Variants in BRAF observed in about 807,000 individuals in gnomAD.
BRAF encodes B-Raf proto-oncogene, serine/threonine kinase, also known as serine/threonine-protein kinase B-raf.
BRAF carries 16 observed loss-of-function variants against 104.6 expected under a neutral mutation model. The ratio of observed to expected loss-of-function variants is 0.15; its 90% confidence interval spans 0.10 to 0.23. BRAF has a LOEUF of 0.23. Ranked by LOEUF, BRAF falls within the 10% of genes least tolerant of loss-of-function variation. BRAF has a pLI of 1.00. For missense variants in BRAF, 541 were observed against 937.3 expected (o/e 0.58, Z 5.52); for synonymous variants, 310 against 341.6 (o/e 0.91, Z 1.02).
intron 14 of BRAF, among the ~76,000 whole-genome samples, chr7:140,761,630 C>T (rs1198834301): frequency 3.2e-4 from 49 of 152,092 alleles, no homozygotes; most frequent in African/African-American, 1.0e-3. Context: ...CAGTGTGCTG[C>T]ATACAGGAAA....
intron 1 of BRAF, among the ~76,000 whole-genome samples, chr7:140,868,520 A>C (rs1321463596): frequency 6.6e-6 from 1 of 152,250 alleles, no homozygotes; most frequent in Non-Finnish European, 1.5e-5. Context: ...AAAATGGTCC[A>C]GAATAGAAAA....
At chr7:140,893,174 G>A (rs1274336062) in intron 1 of BRAF, among the ~76,000 whole-genome samples, 2 of 151,956 alleles carry the variant, frequency 1.3e-5, no homozygotes, top group East Asian at 1.9e-4. Flanking sequence ...TTTGGTGAAC[G>A]AGCTTTCTGA....
intron 3 of BRAF, among the ~76,000 whole-genome samples, chr7:140,812,555 T>G (rs1804396415): frequency 6.6e-6 from 1 of 152,218 alleles, no homozygotes; most frequent in African/African-American, 2.4e-5. Flanking sequence ...GTTGCATATA[T>G]ATTTCATCAA....
intron 3 of BRAF, among the ~76,000 whole-genome samples, chr7:140,830,143 T>C (rs946299489): frequency 6.6e-6 from 1 of 152,214 alleles, no homozygotes; most frequent in African/African-American, 2.4e-5. Flanking sequence ...ATCAAACTGA[T>C]TTGGCTTCAA....
intron 19 of BRAF, among the ~76,000 whole-genome samples, chr7:140,727,507 T>C (rs770491898): frequency 2.8e-4 from 43 of 152,076 alleles, no homozygotes; most frequent in Non-Finnish European, 5.7e-4. Context: ...ATCTACCATT[T>C]TGTCCATAGT....
downstream of BRAF, among the ~76,000 whole-genome samples, chr7:140,717,275 T>G (rs1459401316): frequency 6.6e-6 from 1 of 151,734 alleles, no homozygotes; most frequent in African/African-American, 2.4e-5. Flanking sequence ...AGGAGAGGAG[T>G]TGGACCAGTT....
At chr7:140,768,790 C>A (rs1330544392) in intron 14 of BRAF, among the ~76,000 whole-genome samples, 1 of 152,208 alleles carries the variant, frequency 6.6e-6, no homozygotes, top group Admixed American at 6.5e-5. Context: ...AGCCACCACA[C>A]CTGGCCAGGA....
At chr7:140,802,292 CTTTTTTTTTTT>C (rs144953895) in intron 5 of BRAF, among the ~76,000 whole-genome samples, 20 of 103,306 alleles carry the variant, frequency 1.9e-4, no homozygotes, top group South Asian at 3.3e-4. Flanking sequence ...ATGTTTGTGT[CTTTTTTTTTTT>C]TTTTTTTTTT....
At chr7:140,824,821 T>C (rs1474455806) in intron 3 of BRAF, among the ~76,000 whole-genome samples, 1 of 152,156 alleles carries the variant, frequency 6.6e-6, no homozygotes, top group Non-Finnish European at 1.5e-5. Flanking sequence ...ATTTCAGCCA[T>C]TCTAGGAGGC....
Position 140,733,276 on chromosome 7 carries a change from T to C in BRAF, c.2401+1341A>G, listed in dbSNP as rs71646001. ...AAAGTCTTCTCAATTTCCTTCTTTA[T>C]TGACTTCAAGGAGGCATTTATGCAG... On this transcript the variant is annotated intron_variant, in intron 19 of 19. Transcript: ENST00000644969. 2.3e-3 allele frequency: 343 copies of C among 152,354 alleles called. 1 individual carries two copies. Among genetic ancestry groups the C allele is most frequent in the African/African-American group, 7.6e-3 (314 of 41,588 alleles). The allele number at this position is 152,354 out of a possible 1,614,324, so 9.4% of individuals were successfully genotyped here. A position where few individuals can be genotyped will look rare whatever the true frequency, so the allele number is the denominator to read the frequency against.
At chr7:140,856,122 AAT>A (rs548392206) in intron 1 of BRAF, among the ~76,000 whole-genome samples, 5 of 148,890 alleles carry the variant, frequency 3.4e-5, no homozygotes, top group African/African-American at 1.2e-4. Flanking sequence ...AGTATATATA[AAT>A]ATATATATTA....
downstream of BRAF, among the ~76,000 whole-genome samples, chr7:140,719,128 A>C (rs978118996): frequency 1.3e-5 from 2 of 152,248 alleles, no homozygotes; most frequent in African/African-American, 4.8e-5. Flanking sequence ...GACTGTTGCC[A>C]CTGCAAGTTG....
At position 140,924,590 on chromosome 7, in the gene BRAF, A is replaced by G. The variant is rs779587891; in HGVS notation, c.114T>C (p.Ala38=). Residue 38 remains alanine (A), a synonymous_variant, in exon 1 of 20, where the codon GCT becomes GCC. Transcript: ENST00000644969. The surrounding 1 kb of genome is among the most constrained non-coding windows in gnomAD (Gnocchi z 4.2). ...CCTCCTCCGGAATGGCAGGGTCCGC[A>G]GCCGAAGAGGCCGCGGCGCCGGCGC... The part of the protein sequence containing the change: ...GAGAGAAASS[A]ADPAIPEEVW... 1.8e-5 allele frequency: 28 copies of G among 1,527,444 alleles called. No individual in the cohort carries two copies. Among genetic ancestry groups the G allele is most frequent in the Non-Finnish European group, 2.2e-5 (25 of 1,143,074 alleles). 94.6% of individuals were successfully genotyped at this position (1,527,444 alleles called of 1,614,324 possible).
intron 14 of BRAF, among the ~76,000 whole-genome samples, chr7:140,770,832 C>G (rs559558208): frequency 1.5e-4 from 22 of 150,394 alleles, no homozygotes; most frequent in Non-Finnish European, 2.1e-4. Flanking sequence ...ACTCAGGAGG[C>G]TGAGGCAGGA....
chr7:140,806,733 A>C (rs2129047288), intron 5 of BRAF, among the ~76,000 whole-genome samples: 1 of 152,346 alleles, frequency 6.6e-6, no homozygotes, highest in South Asian at 2.1e-4. Context: ...CAACATGTTA[A>C]AAAATTATTT....
rs1048333657 is a variant in BRAF, at chr7:140,725,323, A to G, written c.*1171T>C. On this transcript the variant is annotated 3_prime_UTR_variant, in exon 20 of 20. Coordinates refer to ENST00000644969, the MANE Select transcript of BRAF (RefSeq NM_001374258.1). ...TATAAATATTTGTCATTATGCTAAG[A>G]CTCCTCATATTTAGGTAGAGAAAAG... 4.2e-5 allele frequency: 43 copies of G among 1,017,230 alleles called. No individual in the cohort carries two copies. Among genetic ancestry groups the G allele is most frequent in the Non-Finnish European group, 4.8e-5 (40 of 841,680 alleles). 63.0% of individuals were successfully genotyped at this position (1,017,230 alleles called of 1,614,324 possible). A position where few individuals can be genotyped will look rare whatever the true frequency, so the allele number is the denominator to read the frequency against.
At chr7:140,738,774 G>A (rs1475604808) in intron 18 of BRAF, among the ~76,000 whole-genome samples, 1 of 152,044 alleles carries the variant, frequency 6.6e-6, no homozygotes, top group East Asian at 1.9e-4. Flanking sequence ...CTGCCACTAT[G>A]CCCAGCTAAT....
intron 7 of BRAF, among the ~76,000 whole-genome samples, chr7:140,795,089 T>C (rs947462509): frequency 2.6e-5 from 4 of 152,208 alleles, no homozygotes; most frequent in African/African-American, 9.6e-5. Flanking sequence ...GAGAATCATA[T>C]ATTAACCACT....
At chr7:140,860,471 AAAAAAAAAAAG>A (rs1201692494) in intron 1 of BRAF, among the ~76,000 whole-genome samples, 6 of 145,280 alleles carry the variant, frequency 4.1e-5, no homozygotes, top group African/African-American at 1.7e-4. Flanking sequence ...TCTAGAAAAA[AAAAAAAAAAAG>A]AAAAAAAAGA....
Sources: gnomAD v4.1 joint callset for allele counts (sites outside exome capture counted in the v4.1 genomes callset) on GRCh38, gnomAD v4.1.1 for gene constraint, Gnocchi (gnomAD v3.1) non-coding constraint, MANE v1.5 for transcripts, NCBI Gene and HGNC (gene_info 2026-07-23, HGNC 2026-07-21) for gene names.